The following SCARB2 variants were observed in gnomAD, a reference collection of about 807,000 sequenced individuals.
SCARB2 encodes the protein lysosome membrane protein 2.
In SCARB2, 29 loss-of-function variants were observed where a neutral mutation model predicts 58.6. That is an observed-to-expected ratio of 0.49 (90% confidence interval 0.37 to 0.67). SCARB2 has a LOEUF of 0.67. Among genes scored for constraint, SCARB2 ranks in the 30% least tolerant of loss-of-function variants. The probability of loss-of-function intolerance (pLI) is 0.00; values close to 1 mark genes in which losing one functional copy is unlikely to be tolerated. For synonymous variants in SCARB2, 195 were observed against 210.1 expected, an observed-to-expected ratio of 0.93 and a Z score of 0.62; for missense variants, 488 against 578.5, an observed-to-expected ratio of 0.84 and a Z score of 1.60.
intron 1 of SCARB2, 32 bp downstream of exon 1, chr4:76,213,395 C>G: frequency 6.7e-7 from 1 of 1,490,572 alleles, no homozygotes; most frequent in Non-Finnish European, 9.3e-7. Context: ...CTGGACGACT[C>G]CACAACACAC....
intron 1 of SCARB2, among the ~76,000 whole-genome samples, chr4:76,211,571 T>G (rs987792328): frequency 6.6e-6 from 1 of 152,202 alleles, no homozygotes; most frequent in African/African-American, 2.4e-5. Context: ...GTCCTTATTA[T>G]CCCTATTTAC....
intron 6 of SCARB2, chr4:76,175,510 T>A: frequency 2.3e-6 from 1 of 432,324 alleles, no homozygotes; most frequent in South Asian, 2.2e-5. Flanking sequence ...ACAATTTCTA[T>A]CTTTGTTTTA....
upstream of SCARB2, chr4:76,214,049 C>T (rs1490408496): frequency 3.0e-6 from 1 of 330,466 alleles, no homozygotes; most frequent in Admixed American, 4.3e-5. Context: ...CAGCGCCCTG[C>T]ACCGCAGGCC....
chr4:76,186,037 A>T (rs1321819464), intron 2 of SCARB2, among the ~76,000 whole-genome samples: 3 of 152,216 alleles, frequency 2.0e-5, no homozygotes, highest in African/African-American at 7.2e-5. Flanking sequence ...GCTTGTGCTA[A>T]GCTCTTGAGA....
chr4:76,233,736 A>G lies in SCARB2; in HGVS notation c.-358+567T>C, dbSNP rs139306801. 3.3e-3 allele frequency among the ~76,000 whole-genome samples: 507 copies of G among 152,222 alleles called. 8 individuals carry two copies. Among genetic ancestry groups the G allele is most frequent in the African/African-American group, 0.012 (492 of 41,532 alleles). On this transcript the variant is annotated intron_variant, in intron 1 of 11. Coordinates refer to the SCARB2 transcript ENST00000638295. ...ACCAACCACAGCAGGCTCATCCCCTAAGGCAGGATTGCTGAACAAAGCCCT... is the reference window on the plus strand; with the variant it reads ...ACCAACCACAGCAGGCTCATCCCCTGAGGCAGGATTGCTGAACAAAGCCCT...
intron 1 of SCARB2, among the ~76,000 whole-genome samples, chr4:76,210,913 C>G (rs1733030680): frequency 6.6e-6 from 1 of 152,110 alleles, no homozygotes; most frequent in Admixed American, 6.5e-5. Flanking sequence ...TTGACATAGA[C>G]AAGTCGGGGC....
In SCARB2 at chr4:76,160,823, AC is replaced by A. The variant is rs1398333551; in HGVS notation, c.*889del. 1 of 152,206 alleles carries A rather than the reference AC, an allele frequency of 6.6e-6. No homozygotes were observed. Among genetic ancestry groups the A allele is most frequent in the African/African-American group, 2.4e-5 (1 of 41,454 alleles). 9.4% of individuals were successfully genotyped at this position (152,206 alleles called of 1,614,324 possible). ...CAATATTAGATTAATTAATACAGTA[AC>A]ATATTTGGCAAGGGCGACTCAGGAA... On this transcript the variant is annotated 3_prime_UTR_variant, in exon 12 of 12. Coordinates refer to ENST00000264896, the MANE Select transcript of SCARB2 (RefSeq NM_005506.4).
At chr4:76,185,786 G>C (rs947431687) in intron 2 of SCARB2, among the ~76,000 whole-genome samples, 14 of 152,194 alleles carry the variant, frequency 9.2e-5, no homozygotes, top group Non-Finnish European at 2.1e-4. Context: ...CTATTAAGAA[G>C]TGATTGGGCA....
intron 3 of SCARB2, 151 bp from the exon 4 acceptor site, chr4:76,179,856 G>A: frequency 2.8e-6 from 2 of 715,896 alleles, no homozygotes; most frequent in Admixed American, 2.0e-5. Flanking sequence ...GCTCCTTTCT[G>A]GCTGCATATG....
chr4:76,213,466 G>C lies in SCARB2; in HGVS notation c.78C>G (p.Ala26=), dbSNP rs756157659. 6.2e-7 allele frequency: 1 copy of C among 1,610,816 alleles called. No homozygotes were observed. Among genetic ancestry groups the C allele is most frequent in the East Asian group, 2.2e-5 (1 of 44,708 alleles). The change falls in exon 1 of 12, where the codon GCC becomes GCG. Residue 26 remains alanine, a synonymous_variant. Transcript: ENST00000264896. ...LLVTSVTLLV[A]RVFQKAVDQS... The stretch of plus-strand genomic sequence containing the variant: ...GGTCTACAGCCTTCTGGAAGACCCG[G>C]GCCACCAGCAGCGTGACGCTGGTCA...
intron 1 of SCARB2, among the ~76,000 whole-genome samples, chr4:76,231,231 T>TA (rs1398933523): frequency 6.6e-6 from 1 of 152,222 alleles, no homozygotes; most frequent in East Asian, 1.9e-4. Context: ...CCCTTGGTCT[T>TA]ATTTTCCCAA....
upstream of SCARB2, among the ~76,000 whole-genome samples, chr4:76,214,889 T>C (rs1262318838): frequency 6.6e-6 from 1 of 152,158 alleles, no homozygotes; most frequent in Non-Finnish European, 1.5e-5. Flanking sequence ...GGGATGCAGG[T>C]GTGATCCTTG....
At chr4:76,234,475 T>A (rs1347811008) in exon 1 of SCARB2, 1 of 152,240 alleles carries the variant, frequency 6.6e-6, no homozygotes, top group South Asian at 2.1e-4. Flanking sequence ...ACAGGGACTC[T>A]TGCTAGGCCA....
At chr4:76,181,719 C>T (rs1732390956) in intron 2 of SCARB2, among the ~76,000 whole-genome samples, 1 of 152,044 alleles carries the variant, frequency 6.6e-6, no homozygotes, top group Admixed American at 6.6e-5. Context: ...AGCATGCCAC[C>T]ACACCCAGCT....
At chr4:76,232,380 C>T (rs1354220805) in intron 1 of SCARB2, among the ~76,000 whole-genome samples, 1 of 151,988 alleles carries the variant, frequency 6.6e-6, no homozygotes, top group Non-Finnish European at 1.5e-5. Context: ...TATTTGAGAG[C>T]ACCTGTTACA....
intron 6 of SCARB2, 40 bp downstream of exon 6, chr4:76,175,751 A>G: frequency 6.2e-7 from 1 of 1,612,508 alleles, no homozygotes; most frequent in African/African-American, 1.3e-5. Flanking sequence ...GCAGTGAAAG[A>G]CCTTATTTTT....
chr4:76,228,164 T>C (rs1733430841), intron 1 of SCARB2, among the ~76,000 whole-genome samples: 1 of 152,062 alleles, frequency 6.6e-6, no homozygotes, highest in South Asian at 2.1e-4. Context: ...TTTTTGCCTA[T>C]TTTGAGGTTT....
chr4:76,180,053 T>C, intron 3 of SCARB2: 2 of 335,718 alleles, frequency 6.0e-6, no homozygotes, highest in South Asian at 2.7e-5. Context: ...AGAGGCTCAT[T>C]ATAAACCCGA....
At chr4:76,211,022 G>A (rs1299776573) in intron 1 of SCARB2, among the ~76,000 whole-genome samples, 2 of 152,158 alleles carry the variant, frequency 1.3e-5, no homozygotes, top group African/African-American at 4.8e-5. Context: ...TTCTCCCATA[G>A]TAATACTAGT....
Sources: gnomAD v4.1 joint callset for allele counts (sites outside exome capture counted in the v4.1 genomes callset) on GRCh38, gnomAD v4.1.1 for gene constraint, MANE v1.5 for transcripts, NCBI Gene and HGNC (gene_info 2026-07-23, HGNC 2026-07-21) for gene names.